The following ZNF438 variants were observed in gnomAD, a reference collection of about 807,000 sequenced individuals.
ZNF438 encodes zinc finger protein 438.
Under a neutral mutation model 38.0 loss-of-function variants are expected in ZNF438, and 25 were observed. The observed-to-expected ratio is 0.66, with a 90% CI of 0.48 to 0.92. The LOEUF is 0.92. Among genes scored for constraint, ZNF438 ranks in the 40% least tolerant of loss-of-function variants. ZNF438 has a pLI of 0.00. For missense variants in ZNF438, 1,007 were observed against 999.6 expected (o/e 1.01, Z -0.10); for synonymous variants, 372 against 364.1 (o/e 1.02, Z -0.25).
intron 1 of ZNF438, among the ~76,000 whole-genome samples, chr10:30,944,221 C>A (rs997961710): frequency 5.3e-5 from 8 of 152,240 alleles, no homozygotes; most frequent in Admixed American, 3.9e-4. Flanking sequence ...ACTTGCTTGT[C>A]CAAATGCAAA....
At chr10:30,874,127 T>TAC (rs1317371423) in intron 4 of ZNF438, among the ~76,000 whole-genome samples, 4 of 12,372 alleles carry the variant, frequency 3.2e-4, no homozygotes, top group African/African-American at 2.0e-3. Context: ...TATATATATA[T>TAC]ATATATATAT....
rs183222388 is a variant in ZNF438, at chr10:30,960,336, A to G, written c.-191-18685T>C. 1.4e-5 allele frequency among the ~76,000 whole-genome samples: 2 copies of G among 147,248 alleles called. 1 individual carries two copies. Among genetic ancestry groups the G allele is most frequent in the Non-Finnish European group, 3.1e-5 (2 of 64,862 alleles). ...GCTCATGCTTCTGGTGTCATACCTA[A>G]CAACTCTGCCTAATCCAAGGTCATA... is the stretch of plus-strand genomic sequence containing the variant. On this transcript the variant is annotated intron_variant, in intron 1 of 5. Coordinates refer to ENST00000413025, the Ensembl canonical transcript of ZNF438.
chr10:31,026,993 C>T (rs573320549), intron 1 of ZNF438, among the ~76,000 whole-genome samples: 24 of 150,360 alleles, frequency 1.6e-4, no homozygotes, highest in African/African-American at 5.6e-4. Context: ...TTCACAAGGA[C>T]AGAAAACCAC....
At chr10:30,916,642 T>C (rs954542025) in intron 2 of ZNF438, among the ~76,000 whole-genome samples, 4 of 152,060 alleles carry the variant, frequency 2.6e-5, no homozygotes, top group African/African-American at 9.7e-5. Flanking sequence ...TTGGAAGTAT[T>C]CTTAAGTTTC....
chr10:30,932,299 T>A (rs555830465), intron 2 of ZNF438, among the ~76,000 whole-genome samples: 150 of 152,328 alleles, frequency 9.8e-4, no homozygotes, highest in Middle Eastern at 3.4e-3. Flanking sequence ...TATCCCTGGT[T>A]TTTCCATGGT....
intron 2 of ZNF438, among the ~76,000 whole-genome samples, chr10:30,914,672 G>A (rs966224875): frequency 7.9e-5 from 12 of 151,884 alleles, no homozygotes; most frequent in Non-Finnish European, 1.0e-4. Context: ...CAAAGACACT[G>A]GATTATATAT....
intron 3 of ZNF438, among the ~76,000 whole-genome samples, chr10:30,882,029 G>A (rs1206954302): frequency 6.6e-6 from 1 of 152,066 alleles, no homozygotes; most frequent in Non-Finnish European, 1.5e-5. Flanking sequence ...CATGGCATCT[G>A]AAACATAATC....
At chr10:30,869,701 C>A (rs765581304) in intron 4 of ZNF438, among the ~76,000 whole-genome samples, 2 of 152,326 alleles carry the variant, frequency 1.3e-5, no homozygotes, top group South Asian at 4.1e-4. Context: ...TTAACCAAAA[C>A]CAGCTTGCAA....
At chr10:30,951,723 T>C (rs867856012) in intron 1 of ZNF438, among the ~76,000 whole-genome samples, 6,291 of 142,208 alleles carry the variant, frequency 0.044, 192 homozygotes, top group Non-Finnish European at 0.063. Flanking sequence ...AGGATAACTA[T>C]AAACCACTGC....
chr10:30,863,233 A>T (rs1439712931), intron 4 of ZNF438, among the ~76,000 whole-genome samples: 3 of 152,226 alleles, frequency 2.0e-5, no homozygotes, highest in African/African-American at 7.2e-5. Context: ...TTTAATGAAG[A>T]CACACCTTTC....
intron 1 of ZNF438, among the ~76,000 whole-genome samples, chr10:30,947,882 G>A (rs887627610): frequency 2.6e-5 from 4 of 152,208 alleles, no homozygotes; most frequent in African/African-American, 4.8e-5. Flanking sequence ...CCCTGCTTCG[G>A]CTCGCGCACC....
intron 3 of ZNF438, among the ~76,000 whole-genome samples, chr10:30,905,779 A>G (rs895566131): frequency 2.0e-5 from 3 of 152,108 alleles, no homozygotes; most frequent in Admixed American, 2.0e-4. Flanking sequence ...ATTAATTTTT[A>G]TATATTGTGT....
chr10:31,001,922 C>T (rs1345862267), intron 1 of ZNF438, among the ~76,000 whole-genome samples: 3 of 152,224 alleles, frequency 2.0e-5, no homozygotes, highest in Non-Finnish European at 4.4e-5. Flanking sequence ...GTGCCGAATG[C>T]AAATCAGAGT....
At chr10:31,032,193 C>G (rs1248275276), upstream of ZNF438, among the ~76,000 whole-genome samples, 2 of 152,246 alleles carry the variant, frequency 1.3e-5, no homozygotes, top group Non-Finnish European at 2.9e-5. Flanking sequence ...TGTAAACAAG[C>G]TGTCGCCCTG....
At chr10:30,849,968 C>T in exon 5 of ZNF438, 1 of 1,614,156 alleles carries the variant, frequency 6.2e-7, no homozygotes, top group Non-Finnish European at 8.5e-7. Flanking sequence ...AGCTTTGCTA[C>T]AGCCACTCTT....
chr10:30,952,552 C>T (rs1254753295), intron 1 of ZNF438, among the ~76,000 whole-genome samples: 6 of 145,470 alleles, frequency 4.1e-5, no homozygotes, highest in African/African-American at 1.5e-4. Context: ...AACAAATTTA[C>T]AAGAAAAAAA....
chr10:31,003,327 A>T (rs1438716510), intron 1 of ZNF438, among the ~76,000 whole-genome samples: 1 of 152,154 alleles, frequency 6.6e-6, no homozygotes, highest in East Asian at 1.9e-4. Context: ...TTACCGTGGG[A>T]GGACCAGCCC....
At chr10:30,928,279 C>T (rs2045202658) in intron 2 of ZNF438, among the ~76,000 whole-genome samples, 1 of 152,074 alleles carries the variant, frequency 6.6e-6, no homozygotes, top group Admixed American at 6.6e-5. Flanking sequence ...CAATAATAGT[C>T]ATTGAATCCT....
intron 4 of ZNF438, chr10:30,857,839 T>G: frequency 2.7e-6 from 3 of 1,117,492 alleles, no homozygotes; most frequent in South Asian, 2.8e-5. Flanking sequence ...TCAATAGCAC[T>G]AGGTGCCAAT....
Sources: gnomAD v4.1 joint callset for allele counts (sites outside exome capture counted in the v4.1 genomes callset) on GRCh38, gnomAD v4.1.1 for gene constraint, MANE v1.5 for transcripts, NCBI Gene and HGNC (gene_info 2026-07-23, HGNC 2026-07-21) for gene names.